SLC12A5: variants seen among roughly 807,000 people sequenced by gnomAD.
The protein encoded by SLC12A5 is solute carrier family 12 member 5.
In SLC12A5, 18 loss-of-function variants were observed where a neutral mutation model predicts 124.0. The observed-to-expected ratio is 0.15, with a 90% CI of 0.10 to 0.22. The LOEUF (loss-of-function observed/expected upper bound fraction) is 0.22, where lower values mean the gene tolerates loss of function less well. Ranked by LOEUF, SLC12A5 falls within the 10% of genes least tolerant of loss-of-function variation. The pLI, the probability that SLC12A5 is intolerant of heterozygous loss-of-function variation, is 1.00. For synonymous variants in SLC12A5, 589 were observed against 568.0 expected (o/e 1.04, Z -0.53); for missense variants, 867 against 1,478.7 (o/e 0.59, Z 6.78).
intron 1 of SLC12A5, among the ~76,000 whole-genome samples, chr20:46,029,895 C>T (rs866562374): frequency 7.3e-5 from 8 of 110,134 alleles, no homozygotes; most frequent in African/African-American, 2.9e-4. Context: ...TGTGTGCGCG[C>T]GCGTGCGTAT....
At chr20:46,036,840 A>G (rs1282745053) in intron 5 of SLC12A5, 45 bp downstream of exon 5, 1 of 1,609,376 alleles carries the variant, frequency 6.2e-7, no homozygotes, top group Admixed American at 1.7e-5. Flanking sequence ...GCTGGGTGGA[A>G]GGAGGGATAG....
chr20:46,057,461 C>G lies in SLC12A5; in HGVS notation c.3260-53C>G, dbSNP rs2084707039. The G allele has an allele frequency of 1.9e-6, 3 of 1,608,224 alleles. No homozygotes were observed. The Admixed American group carries it at 5.0e-5, about 27-fold the overall frequency. ...GTCCCCTGGCAGCCGAGCGCGACCC[C>G]AATTTCGTCGGGAGGGAAGGAGACC... On this transcript the variant is annotated intron_variant, in intron 25 of 25. Transcript: ENST00000243964. This position sits in a 1 kb window ranked among gnomAD's most constrained non-coding sequence, Gnocchi z 7.1.
chr20:46,026,853 G>A (rs6130999), upstream of SLC12A5, among the ~76,000 whole-genome samples: 26,840 of 152,098 alleles, frequency 0.18, 2,724 homozygotes, highest in East Asian at 0.39. Context: ...GGGTTCCCCA[G>A]GGAAAGAGGA....
intron 16 of SLC12A5, 32 bp from the exon 17 acceptor site, chr20:46,049,590 A>G: frequency 1.3e-6 from 2 of 1,579,148 alleles, no homozygotes; most frequent in Non-Finnish European, 1.7e-6. Flanking sequence ...GTTACATGGT[A>G]TATGGATTAT....
chr20:46,057,625 G>A lies in SLC12A5; in HGVS notation c.*20G>A, dbSNP rs370781928. On this transcript the variant is annotated 3_prime_UTR_variant, in exon 26 of 26. Coordinates refer to ENST00000243964, the MANE Select transcript of SLC12A5 (RefSeq NM_020708.5). The surrounding 1 kb of genome is among the most constrained non-coding windows in gnomAD (Gnocchi z 7.1). ...TCCTGAGAACCAGGACCTGCCACCCGGGCCCGAGCGCGCCCGGCCCGCGGC... is the reference window on the plus strand; with the variant it reads ...TCCTGAGAACCAGGACCTGCCACCCAGGCCCGAGCGCGCCCGGCCCGCGGC... The A allele has an allele frequency of 1.3e-6, 2 of 1,598,476 alleles. No homozygotes were observed. Among genetic ancestry groups the A allele is most frequent in the South Asian group, 1.1e-5 (1 of 89,908 alleles).
upstream of SLC12A5, among the ~76,000 whole-genome samples, chr20:46,028,640 A>G (rs1272060566): frequency 6.6e-6 from 1 of 152,048 alleles, no homozygotes; most frequent in Non-Finnish European, 1.5e-5. Flanking sequence ...ACATGCCTCC[A>G]GCTCCAATCT....
intron 1 of SLC12A5, 26 bp downstream of exon 1, chr20:46,029,422 G>A: frequency 6.7e-7 from 1 of 1,488,538 alleles, no homozygotes; most frequent in Non-Finnish European, 9.1e-7. Flanking sequence ...GGGGCGGCGG[G>A]GGAGGGGGCA....
At chr20:46,051,133 G>C (rs1365539561) in intron 17 of SLC12A5, among the ~76,000 whole-genome samples, 1 of 152,174 alleles carries the variant, frequency 6.6e-6, no homozygotes, top group Non-Finnish European at 1.5e-5. Context: ...CCTTAAACAA[G>C]TCTTCCTTTC....
chr20:46,058,984 C>G lies in SLC12A5; in HGVS notation c.*1379C>G. On this transcript the variant is annotated 3_prime_UTR_variant, in exon 26 of 26. Coordinates refer to ENST00000243964, the MANE Select transcript of SLC12A5 (RefSeq NM_020708.5). The surrounding 1 kb of genome is among the most constrained non-coding windows in gnomAD (Gnocchi z 5.8). ...TTTGTCCTTAGCGCCTGTCTGCTCTCCTCTAACTAGGACCCAGGGCCTTTG... is the reference window on the plus strand; with the variant it reads ...TTTGTCCTTAGCGCCTGTCTGCTCTGCTCTAACTAGGACCCAGGGCCTTTG... 1 of 366,024 alleles carries G rather than the reference C, an allele frequency of 2.7e-6. No homozygotes were observed. The highest frequency in any genetic ancestry group is 4.8e-6 in the Non-Finnish European group (1 of 206,298). The allele number at this position is 366,024 out of a possible 1,614,324, so 22.7% of individuals were successfully genotyped here. A position where few individuals can be genotyped will look rare whatever the true frequency, so the allele number is the denominator to read the frequency against.
chr20:46,021,702 G>C (rs963284589), upstream of SLC12A5: 16 of 1,522,040 alleles, frequency 1.1e-5, no homozygotes, highest in Admixed American at 3.2e-4. Flanking sequence ...CCCTCCTAGA[G>C]CCTGGTTGCA....
chr20:46,028,852 C>A (rs1285950045), upstream of SLC12A5, among the ~76,000 whole-genome samples: 1 of 152,166 alleles, frequency 6.6e-6, no homozygotes. Context: ...CCCGCGGCCG[C>A]GACCTAGTTC....
chr20:46,024,823 G>A (rs527766456), upstream of SLC12A5, among the ~76,000 whole-genome samples: 12 of 152,372 alleles, frequency 7.9e-5, no homozygotes, highest in African/African-American at 2.9e-4. Context: ...TGGATGAACA[G>A]AAGTAGACCT....
chr20:46,057,385 GCTGTT>G lies in SLC12A5; in HGVS notation c.3259+84_3259+88del, dbSNP rs2145509406. 1 of 1,609,860 alleles carries G rather than the reference GCTGTT, an allele frequency of 6.2e-7. No individual in the cohort carries two copies. Among genetic ancestry groups the G allele is most frequent in the East Asian group, 2.2e-5 (1 of 44,808 alleles). On this transcript the variant is annotated intron_variant, in intron 25 of 25. Transcript: ENST00000243964. The surrounding 1 kb of genome is among the most constrained non-coding windows in gnomAD (Gnocchi z 7.1). ...CCTGTCCCTGGGATGGAAGAGCTGA[GCTGTT>G]CCTGCCTCCGGATCAGCACCTCGGA...
In SLC12A5 at chr20:46,037,225, C is replaced by T. The variant is rs200378279; in HGVS notation, c.482-30C>T. 8.3e-4 allele frequency: 1,303 copies of T among 1,571,732 alleles called. 9 individuals carry two copies. Among genetic ancestry groups the T allele is most frequent in the Non-Finnish European group, 3.0e-4 (351 of 1,157,268 alleles). ...CTTACGGCAGCCCAGTGCCCCCGACCCTCTCGCTGATACCAGATTCTCCCT... is the reference window on the plus strand; with the variant it reads ...CTTACGGCAGCCCAGTGCCCCCGACTCTCTCGCTGATACCAGATTCTCCCT... On this transcript the variant is annotated intron_variant, in intron 5 of 25. Coordinates refer to ENST00000243964, the MANE Select transcript of SLC12A5 (RefSeq NM_020708.5).
In SLC12A5 at chr20:46,056,347, G is replaced by T; in HGVS notation, c.2911-18G>T. The stretch of plus-strand genomic sequence containing the variant: ...GCCTCCAAAGGACTCAACTGCCATC[G>T]CTTCATTCATCCCTCAGGTGCAGCT... On this transcript the variant is annotated intron_variant, in intron 22 of 25. Transcript: ENST00000243964. The surrounding 1 kb of genome is among the most constrained non-coding windows in gnomAD (Gnocchi z 4.3). 1 of 1,608,234 alleles carries T rather than the reference G, an allele frequency of 6.2e-7. No homozygotes were observed. Among genetic ancestry groups the T allele is most frequent in the Admixed American group, 1.7e-5 (1 of 59,628 alleles).
chr20:46,043,506 C>T, intron 9 of SLC12A5, 127 bp from the exon 10 acceptor site: 3 of 1,188,176 alleles, frequency 2.5e-6, no homozygotes, highest in Non-Finnish European at 3.6e-6. Flanking sequence ...TGTCCAAGGT[C>T]TCACACAAGC....
In SLC12A5 at chr20:46,035,020, G is replaced by A. The variant is rs1281331190; in HGVS notation, c.125G>A (p.Gly42Asp). The change falls in exon 2 of 26, where the codon GGC becomes GAC. Residue 42 changes from glycine to aspartate, a missense_variant. This residue lies in a region of SLC12A5 where 126 missense variants were observed against 291.6 expected (regional missense o/e 0.43). Transcript: ENST00000243964. ...ACAGAGAAGGGAAAGGAGTATGATG[G>A]CAAGAACATGGCCTTGTTTGAGGTG... Reference protein sequence around the residue: ...TDTEKGKEYDGKNMALFEEEM... With the variant: ...TDTEKGKEYDDKNMALFEEEM... 6.2e-7 allele frequency: 1 copy of A among 1,613,846 alleles called. No individual in the cohort carries two copies. The highest frequency in any genetic ancestry group is 1.3e-5 in the African/African-American group (1 of 74,850).
At chr20:46,041,050 C>CTTTT in intron 7 of SLC12A5, 2 of 398,644 alleles carry the variant, frequency 5.0e-6, no homozygotes, top group Non-Finnish European at 9.2e-6. Context: ...ATCCACTGCT[C>CTTTT]AGAGGTGGAG....
chr20:46,056,088 T>G lies in SLC12A5; in HGVS notation c.2788-62T>G. ...GCTGAACATCATCTCTGGTGATAGC[T>G]CTTTGCAGGGCATGGGTGGTGACTC... On this transcript the variant is annotated intron_variant, in intron 21 of 25. Transcript: ENST00000243964. This position sits in a 1 kb window ranked among gnomAD's most constrained non-coding sequence, Gnocchi z 4.3. The G allele has an allele frequency of 1.6e-5, 25 of 1,602,162 alleles. No individual in the cohort carries two copies. Among genetic ancestry groups the G allele is most frequent in the Non-Finnish European group, 2.1e-5 (25 of 1,173,920 alleles).
Sources: allele counts gnomAD v4.1 joint callset (sites outside exome capture counted in the v4.1 genomes callset), GRCh38; gene constraint gnomAD v4.1.1; regional missense constraint gnomAD v4.1.1; non-coding constraint Gnocchi (gnomAD v3.1); transcripts MANE v1.5; gene names NCBI Gene and HGNC (gene_info 2026-07-23, HGNC 2026-07-21).